SENP6: variants seen among roughly 807,000 people sequenced by gnomAD.
SENP6 encodes the protein sentrin-specific protease 6.
SENP6 carries 41 observed loss-of-function variants against 134.5 expected under a neutral mutation model. That is an observed-to-expected ratio of 0.30 (90% CI 0.24 to 0.40). The LOEUF is 0.40. Among genes scored for constraint, SENP6 ranks in the 10% least tolerant of loss-of-function variants. The pLI is 1.00. For missense variants in SENP6, 1,248 were observed against 1,312.5 expected (o/e 0.95, Z 0.76); for synonymous variants, 395 against 429.8 (o/e 0.92, Z 1.00).
At chr6:75,632,471 A>G (rs1195544228) in intron 3 of SENP6, among the ~76,000 whole-genome samples, 3 of 152,192 alleles carry the variant, frequency 2.0e-5, no homozygotes, top group Non-Finnish European at 2.9e-5. Flanking sequence ...TGACACTAGC[A>G]GTTTTCTGGA....
chr6:75,665,123 A>G (rs906216993), intron 9 of SENP6, among the ~76,000 whole-genome samples: 4 of 152,092 alleles, frequency 2.6e-5, no homozygotes, highest in African/African-American at 7.2e-5. Context: ...CGTCTCTACT[A>G]AAAATATAAA....
chr6:75,671,500 G>C (rs1772675689), intron 11 of SENP6, among the ~76,000 whole-genome samples: 1 of 152,178 alleles, frequency 6.6e-6, no homozygotes, highest in Non-Finnish European at 1.5e-5. Context: ...AAGGCGGCTG[G>C]ATCACGAGGT....
chr6:75,697,794 T>C (rs1774756209), intron 18 of SENP6: 1 of 289,552 alleles, frequency 3.5e-6, no homozygotes, highest in Admixed American at 4.8e-5. Flanking sequence ...TGGTGCTTAT[T>C]GTCTAGCAAG....
At chr6:75,690,187 A>G (rs553891426) in intron 16 of SENP6, among the ~76,000 whole-genome samples, 1 of 152,338 alleles carries the variant, frequency 6.6e-6, no homozygotes, top group East Asian at 1.9e-4. Context: ...CTGGGATTAC[A>G]GGCATAAGCC....
intron 7 of SENP6, among the ~76,000 whole-genome samples, chr6:75,657,282 G>T (rs1256177498): frequency 6.6e-6 from 1 of 152,152 alleles, no homozygotes; most frequent in Non-Finnish European, 1.5e-5. Flanking sequence ...ATTCCAAAAT[G>T]TCTGCCTTCT....
At chr6:75,615,629 G>A (rs531604146) in intron 1 of SENP6, among the ~76,000 whole-genome samples, 1 of 152,244 alleles carries the variant, frequency 6.6e-6, no homozygotes, top group Middle Eastern at 3.4e-3. Flanking sequence ...TTTTGTTTAG[G>A]TTTTATATCT....
intron 9 of SENP6, among the ~76,000 whole-genome samples, chr6:75,664,269 A>G (rs1772018618): frequency 6.6e-6 from 1 of 152,016 alleles, no homozygotes; most frequent in African/African-American, 2.4e-5. Flanking sequence ...CTAAAAAAAA[A>G]AAACAATAAT....
intron 5 of SENP6, among the ~76,000 whole-genome samples, chr6:75,639,162 T>C (rs2149842121): frequency 6.6e-6 from 1 of 152,338 alleles, no homozygotes; most frequent in East Asian, 1.9e-4. Context: ...GTTTTCATTT[T>C]GCTTTTTCTG....
At chr6:75,691,449 T>A (rs1231655517) in intron 16 of SENP6, among the ~76,000 whole-genome samples, 1 of 152,212 alleles carries the variant, frequency 6.6e-6, no homozygotes, top group East Asian at 1.9e-4. Flanking sequence ...GATGTTAGAT[T>A]TTCCATTTTA....
At chr6:75,617,797 T>C (rs1767974986) in intron 1 of SENP6, among the ~76,000 whole-genome samples, 1 of 152,228 alleles carries the variant, frequency 6.6e-6, no homozygotes, top group Non-Finnish European at 1.5e-5. Context: ...TTGATTGTCT[T>C]GTCTCCTTAG....
At chr6:75,681,881 A>G (rs1369631644) in intron 16 of SENP6, among the ~76,000 whole-genome samples, 1 of 152,126 alleles carries the variant, frequency 6.6e-6, no homozygotes, top group Non-Finnish European at 1.5e-5. Context: ...AAACAAAAAT[A>G]TAAAAAACAA....
chr6:75,636,705 G>A (rs1769542901), intron 5 of SENP6, among the ~76,000 whole-genome samples: 2 of 152,124 alleles, frequency 1.3e-5, no homozygotes, highest in Non-Finnish European at 2.9e-5. Flanking sequence ...AGTTTACCAG[G>A]TAGAAGAAGA....
chr6:75,613,142 G>A (rs897513861), intron 1 of SENP6, among the ~76,000 whole-genome samples: 3 of 151,406 alleles, frequency 2.0e-5, no homozygotes, highest in Non-Finnish European at 2.9e-5. Context: ...AGAAAACTAT[G>A]ACCCAGCCAA....
intron 1 of SENP6, among the ~76,000 whole-genome samples, chr6:75,603,383 G>T (rs1766784493): frequency 6.6e-6 from 1 of 152,128 alleles, no homozygotes; most frequent in Non-Finnish European, 1.5e-5. Flanking sequence ...TATTGTAATT[G>T]TAGCCCAAGA....
intron 1 of SENP6, among the ~76,000 whole-genome samples, chr6:75,610,366 A>G (rs1767351159): frequency 6.6e-6 from 1 of 152,184 alleles, no homozygotes; most frequent in Non-Finnish European, 1.5e-5. Flanking sequence ...AGCACACTTA[A>G]GTTGTATACC....
intron 17 of SENP6, among the ~76,000 whole-genome samples, chr6:75,696,225 T>C (rs1318163592): frequency 3.3e-5 from 5 of 152,204 alleles, no homozygotes; most frequent in Non-Finnish European, 7.3e-5. Flanking sequence ...ATTCATAATA[T>C]TCTAATACTT....
intron 1 of SENP6, among the ~76,000 whole-genome samples, chr6:75,618,621 T>A (rs1483689516): frequency 6.6e-6 from 1 of 152,208 alleles, no homozygotes; most frequent in Non-Finnish European, 1.5e-5. Context: ...TGTCACTGCT[T>A]CTAGACCCTC....
chr6:75,713,215 A>G (rs538901990), intron 21 of SENP6, among the ~76,000 whole-genome samples: 2 of 152,254 alleles, frequency 1.3e-5, no homozygotes, highest in South Asian at 4.1e-4. Flanking sequence ...CTTTTTACTA[A>G]TTTTGAAGTA....
chr6:75,699,252 AG>A (rs1301250556), intron 18 of SENP6, among the ~76,000 whole-genome samples: 1 of 151,520 alleles, frequency 6.6e-6, no homozygotes, highest in East Asian at 2.0e-4. Flanking sequence ...CAGTGCTTCC[AG>A]TCATCTTAGT....
Sources: gnomAD v4.1 joint callset for allele counts (sites outside exome capture counted in the v4.1 genomes callset) on GRCh38, gnomAD v4.1.1 for gene constraint, MANE v1.5 for transcripts, NCBI Gene and HGNC (gene_info 2026-07-23, HGNC 2026-07-21) for gene names.